The following ADGRL4 variants were observed in gnomAD, a reference collection of about 807,000 sequenced individuals.
ADGRL4 encodes EGF, latrophilin and seven transmembrane domain containing 1.
Under a neutral mutation model 74.8 loss-of-function variants are expected in ADGRL4, and 90 were observed. That is an observed-to-expected ratio of 1.20 (90% CI 1.02 to 1.43). The LOEUF is 1.43. Among genes scored for constraint, ADGRL4 ranks in the 40% most tolerant of loss-of-function variants. ADGRL4 has a pLI of 0.00. For missense variants in ADGRL4, 881 were observed against 814.3 expected, an observed-to-expected ratio of 1.08 and a Z score of -1.00; for synonymous variants, 311 against 279.2, an observed-to-expected ratio of 1.11 and a Z score of -1.14.
chr1:78,970,196 A>AT (rs1233566598), intron 2 of ADGRL4, among the ~76,000 whole-genome samples: 1 of 152,140 alleles, frequency 6.6e-6, no homozygotes, highest in African/African-American at 2.4e-5. Flanking sequence ...CCCAAGACAC[A>AT]TTTTTGTCCA....
intron 2 of ADGRL4, among the ~76,000 whole-genome samples, chr1:78,999,968 G>T (rs1043176981): frequency 6.7e-6 from 1 of 148,902 alleles, no homozygotes; most frequent in Non-Finnish European, 1.5e-5. Context: ...GCATTTTTTT[G>T]TGCATAAGTA....
chr1:79,005,132 T>C lies in ADGRL4; in HGVS notation c.110A>G (p.Asn37Ser). ...CLPNAKCEIRNGIEACYCNMG... is the reference protein window; with the variant it reads ...CLPNAKCEIRSGIEACYCNMG... ...GTTGCAATAGCAGGCTTCAATTCCA[T>C]TGCGTATTTCACATTTTGCATTTGG... The change falls in exon 2 of 15, where the codon AAT becomes AGT. Residue 37 changes from asparagine to serine, a missense_variant. Transcript: ENST00000370742. The C allele has an allele frequency of 2.5e-6, 4 of 1,613,658 alleles. No homozygotes were observed. The highest frequency in any genetic ancestry group is 3.4e-6 in the Non-Finnish European group (4 of 1,179,760).
chr1:78,946,963 T>C (rs765298513), intron 2 of ADGRL4, among the ~76,000 whole-genome samples: 10 of 152,208 alleles, frequency 6.6e-5, no homozygotes, highest in Non-Finnish European at 7.3e-5. Context: ...CAGAATAGTA[T>C]GCAATACAAA....
intron 2 of ADGRL4, among the ~76,000 whole-genome samples, chr1:78,976,607 T>C (rs1341365366): frequency 6.6e-6 from 1 of 151,694 alleles, no homozygotes; most frequent in African/African-American, 2.4e-5. Flanking sequence ...ATAAGACCTT[T>C]GATTGTGTAT....
rs565830449 is a variant in ADGRL4, at chr1:78,901,717, T to A, written c.1750-8528A>T. Among the ~76,000 whole-genome samples the A allele has an allele frequency of 6.6e-5, 10 of 152,316 alleles. No individual in the cohort carries two copies. In the South Asian group the frequency reaches 1.9e-3, roughly 28 times the overall value. Reference sequence around the variant, plus strand: ...TGCCACAGTGTTTGGTCACCTATTGTCAGATTTGTAGAAAAGACAGAATAA... The same window carrying A: ...TGCCACAGTGTTTGGTCACCTATTGACAGATTTGTAGAAAAGACAGAATAA... On this transcript the variant is annotated intron_variant, in intron 12 of 14. Coordinates refer to ENST00000370742, the MANE Select transcript of ADGRL4 (RefSeq NM_022159.4).
At chr1:78,947,734 G>A (rs973443026) in intron 2 of ADGRL4, among the ~76,000 whole-genome samples, 2 of 152,138 alleles carry the variant, frequency 1.3e-5, no homozygotes, top group Admixed American at 6.6e-5. Context: ...AGGCAGAAAA[G>A]TGACTGGGAT....
chr1:78,976,092 C>T (rs1335212019), intron 2 of ADGRL4, among the ~76,000 whole-genome samples: 1 of 151,828 alleles, frequency 6.6e-6, no homozygotes, highest in Non-Finnish European at 1.5e-5. Flanking sequence ...TGATGGATTC[C>T]CTGTGCTAAG....
At chr1:79,003,722 A>G (rs893795044) in intron 2 of ADGRL4, among the ~76,000 whole-genome samples, 1 of 152,058 alleles carries the variant, frequency 6.6e-6, no homozygotes, top group Non-Finnish European at 1.5e-5. Context: ...TCTAAATAAC[A>G]AAAAGGTAAT....
intron 2 of ADGRL4, among the ~76,000 whole-genome samples, chr1:78,951,761 GAC>G (rs1478034599): frequency 6.6e-6 from 1 of 152,180 alleles, no homozygotes; most frequent in Non-Finnish European, 1.5e-5. Flanking sequence ...GAATCTGGTA[GAC>G]ACAGTTTTTA....
At chr1:78,937,121 AT>A (rs1649370336) in intron 6 of ADGRL4, among the ~76,000 whole-genome samples, 1 of 152,338 alleles carries the variant, frequency 6.6e-6, no homozygotes, top group Middle Eastern at 3.4e-3. Context: ...TATTATGAAC[AT>A]GCAAAGGATT....
At chr1:78,990,125 T>C (rs1281221911) in intron 2 of ADGRL4, among the ~76,000 whole-genome samples, 1 of 151,962 alleles carries the variant, frequency 6.6e-6, no homozygotes, top group Non-Finnish European at 1.5e-5. Context: ...ATCTCCATCA[T>C]AGTGCTTCAT....
At chr1:78,934,647 C>CT (rs1399242174) in intron 7 of ADGRL4, among the ~76,000 whole-genome samples, 1 of 152,092 alleles carries the variant, frequency 6.6e-6, no homozygotes, top group Non-Finnish European at 1.5e-5. Flanking sequence ...TTTTCACAAT[C>CT]TATCCATCTG....
chr1:78,900,860 G>T (rs968542803), intron 12 of ADGRL4, among the ~76,000 whole-genome samples: 2 of 151,932 alleles, frequency 1.3e-5, no homozygotes, highest in Non-Finnish European at 2.9e-5. Context: ...AATACAATGT[G>T]TATATGTATA....
chr1:78,922,420 G>C (rs1649020282), intron 8 of ADGRL4, among the ~76,000 whole-genome samples: 1 of 151,978 alleles, frequency 6.6e-6, no homozygotes, highest in African/African-American at 2.4e-5. Context: ...AGTTAAGTTA[G>C]AGCACAGTGA....
At chr1:78,920,132 A>G (rs781539608) in intron 10 of ADGRL4, 51 bp downstream of exon 10, 2 of 1,350,942 alleles carry the variant, frequency 1.5e-6, no homozygotes, top group Non-Finnish European at 2.1e-6. Context: ...TATACATTTA[A>G]GAAAGTACAC....
chr1:78,982,111 G>T (rs1183179965), intron 2 of ADGRL4, among the ~76,000 whole-genome samples: 2 of 151,890 alleles, frequency 1.3e-5, no homozygotes, highest in East Asian at 3.9e-4. Context: ...TTGCTGATTT[G>T]TTATAGAATT....
intron 2 of ADGRL4, among the ~76,000 whole-genome samples, chr1:78,953,045 C>G (rs1010010706): frequency 4.6e-5 from 7 of 152,016 alleles, no homozygotes; most frequent in Admixed American, 2.6e-4. Flanking sequence ...TTTGTCAGAA[C>G]TATTAATATA....
chr1:78,909,816 G>T (rs1648721829), intron 12 of ADGRL4, among the ~76,000 whole-genome samples: 1 of 151,702 alleles, frequency 6.6e-6, no homozygotes, highest in South Asian at 2.1e-4. Context: ...TTATGTAATA[G>T]ATACATGAAA....
chr1:78,895,313 C>T (rs1387617142), intron 12 of ADGRL4, among the ~76,000 whole-genome samples: 1 of 151,794 alleles, frequency 6.6e-6, no homozygotes, highest in East Asian at 1.9e-4. Context: ...TTTAAAGGGC[C>T]TATTAAGTGT....
Sources: allele counts gnomAD v4.1 joint callset (sites outside exome capture counted in the v4.1 genomes callset), GRCh38; gene constraint gnomAD v4.1.1; transcripts MANE v1.5; gene names NCBI Gene and HGNC (gene_info 2026-07-23, HGNC 2026-07-21).